Variants in TCF12 observed in about 807,000 individuals in gnomAD.
TCF12 encodes the protein DNA-binding protein HTF4.
In TCF12, 45 loss-of-function variants were observed where a neutral mutation model predicts 86.0. The observed-to-expected ratio is 0.52, with a 90% CI of 0.41 to 0.67. TCF12 has a LOEUF of 0.67. Among genes scored for constraint, TCF12 ranks in the 30% least tolerant of loss-of-function variants. The pLI, the probability that TCF12 is intolerant of heterozygous loss-of-function variation, is 0.00. For missense variants in TCF12, 881 were observed against 859.9 expected (o/e 1.02, Z -0.31); for synonymous variants, 330 against 299.6 (o/e 1.10, Z -1.05).
At chr15:57,148,480 G>A (rs535506095) in intron 5 of TCF12, among the ~76,000 whole-genome samples, 348 of 151,792 alleles carry the variant, frequency 2.3e-3, no homozygotes, top group African/African-American at 8.1e-3. Flanking sequence ...AATTCATACA[G>A]AGGGGCTAAC....
At chr15:57,269,159 A>G (rs567409825) in intron 18 of TCF12, among the ~76,000 whole-genome samples, 1 of 152,176 alleles carries the variant, frequency 6.6e-6, no homozygotes, top group African/African-American at 2.4e-5. Flanking sequence ...ATGGGAGTCT[A>G]AGTCTTTTTG....
At chr15:57,063,902 T>C (rs925727561) in intron 4 of TCF12, 79 bp downstream of exon 4, 29 of 1,115,456 alleles carry the variant, frequency 2.6e-5, no homozygotes, top group Admixed American at 6.3e-5. Flanking sequence ...CTGTTTCTTA[T>C]GAGAAATGAA....
chr15:57,173,713 CT>C (rs201899689), intron 6 of TCF12, among the ~76,000 whole-genome samples: 407 of 141,644 alleles, frequency 2.9e-3, no homozygotes, highest in Admixed American at 3.6e-3. Context: ...ATCTTTTTTT[CT>C]TTTTTTTTTT....
chr15:56,931,803 A>G (rs1477846583), intron 3 of TCF12, among the ~76,000 whole-genome samples: 1 of 152,198 alleles, frequency 6.6e-6, no homozygotes, highest in Non-Finnish European at 1.5e-5. Flanking sequence ...GAAGTGTGTA[A>G]TAAACTAGTT....
At chr15:57,103,248 GT>G (rs2049883383) in intron 5 of TCF12, among the ~76,000 whole-genome samples, 1 of 152,190 alleles carries the variant, frequency 6.6e-6, no homozygotes, top group Non-Finnish European at 1.5e-5. Flanking sequence ...TAAGATAAAT[GT>G]AAATTGTGGA....
intron 3 of TCF12, among the ~76,000 whole-genome samples, chr15:56,971,425 A>G (rs1371626093): frequency 3.9e-5 from 6 of 152,010 alleles, no homozygotes; most frequent in Non-Finnish European, 1.5e-5. Context: ...ACTTTATCTC[A>G]AAAAAGAAAA....
chr15:57,011,116 A>G (rs150013482), intron 3 of TCF12, among the ~76,000 whole-genome samples: 2 of 152,290 alleles, frequency 1.3e-5, no homozygotes, highest in African/African-American at 4.8e-5. Flanking sequence ...TTTTAAAAAA[A>G]TTAAATGCTG....
chr15:57,065,864 T>C (rs1596359396), intron 4 of TCF12, among the ~76,000 whole-genome samples: 1 of 152,170 alleles, frequency 6.6e-6, no homozygotes, highest in Non-Finnish European at 1.5e-5. Flanking sequence ...ATTGATTATA[T>C]AGTAAGCTAG....
chr15:57,120,625 T>C (rs566304908), intron 5 of TCF12, among the ~76,000 whole-genome samples: 1 of 152,358 alleles, frequency 6.6e-6, no homozygotes, highest in South Asian at 2.1e-4. Flanking sequence ...TTATATTATA[T>C]GGACAATTAT....
chr15:57,172,984 G>A (rs370373586), intron 6 of TCF12, among the ~76,000 whole-genome samples: 3 of 151,870 alleles, frequency 2.0e-5, no homozygotes, highest in East Asian at 3.9e-4. Flanking sequence ...GTGGTGGCAG[G>A]AGGCTGAGGC....
intron 3 of TCF12, among the ~76,000 whole-genome samples, chr15:57,054,402 T>G (rs547345296): frequency 6.6e-6 from 1 of 152,340 alleles, no homozygotes; most frequent in Non-Finnish European, 1.5e-5. Context: ...CCTTTGCACT[T>G]TCACATTGGT....
chr15:57,170,658 A>AT (rs1491122099), intron 6 of TCF12, among the ~76,000 whole-genome samples: 19 of 32,608 alleles, frequency 5.8e-4, no homozygotes, highest in African/African-American at 1.4e-3. Flanking sequence ...TATATTATAT[A>AT]AAATATATAT....
At chr15:57,119,775 C>T (rs1352831929) in intron 5 of TCF12, among the ~76,000 whole-genome samples, 1 of 152,082 alleles carries the variant, frequency 6.6e-6, no homozygotes, top group East Asian at 1.9e-4. Flanking sequence ...CTGTGGCAAT[C>T]CTAAATAGGA....
intron 8 of TCF12, among the ~76,000 whole-genome samples, chr15:57,215,493 A>G (rs2058295287): frequency 6.6e-6 from 1 of 152,008 alleles, no homozygotes; most frequent in African/African-American, 2.4e-5. Context: ...TTCATTTATT[A>G]CTCTGAAAGT....
At chr15:57,062,747 A>G (rs1188782234) in intron 3 of TCF12, among the ~76,000 whole-genome samples, 1 of 152,256 alleles carries the variant, frequency 6.6e-6, no homozygotes, top group African/African-American at 2.4e-5. Flanking sequence ...ATCTTGAAAG[A>G]AAGATAATTT....
intron 5 of TCF12, among the ~76,000 whole-genome samples, chr15:57,128,523 TTTTAA>T (rs2051849921): frequency 6.6e-6 from 1 of 152,216 alleles, no homozygotes; most frequent in South Asian, 2.1e-4. Flanking sequence ...ACTTCAGTGT[TTTTAA>T]TAATAGTTTT....
At chr15:57,221,139 G>T (rs2151864746) in intron 8 of TCF12, among the ~76,000 whole-genome samples, 1 of 152,090 alleles carries the variant, frequency 6.6e-6, no homozygotes, top group Non-Finnish European at 1.5e-5. Flanking sequence ...GTGAACTTTT[G>T]GGTAAGCTTT....
chr15:57,014,351 GCC>G, intron 3 of TCF12, among the ~76,000 whole-genome samples: 1 of 151,902 alleles, frequency 6.6e-6, no homozygotes, highest in African/African-American at 2.4e-5. Flanking sequence ...TATTTAGTGG[GCC>G]TTCCTCATTC....
At chr15:57,068,978 A>T (rs151041062) in intron 4 of TCF12, among the ~76,000 whole-genome samples, 6 of 152,178 alleles carry the variant, frequency 3.9e-5, no homozygotes, top group African/African-American at 1.2e-4. Context: ...TTTCATGGTT[A>T]TATTTCTTGA....
Sources: gnomAD v4.1 joint callset for allele counts (sites outside exome capture counted in the v4.1 genomes callset) on GRCh38, gnomAD v4.1.1 for gene constraint, MANE v1.5 for transcripts, NCBI Gene and HGNC (gene_info 2026-07-23, HGNC 2026-07-21) for gene names.